The following KIFAP3 variants were observed in gnomAD, a reference collection of about 807,000 sequenced individuals.
KIFAP3 encodes kinesin associated protein 3.
Under a neutral mutation model 106.5 loss-of-function variants are expected in KIFAP3, and 68 were observed. The observed-to-expected ratio is 0.64, with a 90% confidence interval of 0.53 to 0.78. The LOEUF (loss-of-function observed/expected upper bound fraction) is 0.78, where lower values mean the gene tolerates loss of function less well. Ranked by LOEUF, KIFAP3 falls within the 30% of genes least tolerant of loss-of-function variation. The pLI, the probability that KIFAP3 is intolerant of heterozygous loss-of-function variation, is 0.00. For synonymous variants in KIFAP3, 320 were observed against 311.5 expected (o/e 1.03, Z -0.29); for missense variants, 780 against 941.8 (o/e 0.83, Z 2.25).
At chr1:170,048,242 T>C (rs1172198691) in intron 2 of KIFAP3, among the ~76,000 whole-genome samples, 1 of 152,056 alleles carries the variant, frequency 6.6e-6, no homozygotes, top group Non-Finnish European at 1.5e-5. Flanking sequence ...GAGTGCCTTC[T>C]AATGTTTACA....
chr1:170,037,568 A>G (rs949325523), intron 5 of KIFAP3, among the ~76,000 whole-genome samples: 3 of 139,738 alleles, frequency 2.1e-5, no homozygotes, highest in Non-Finnish European at 3.1e-5. Context: ...TGTCTCTACT[A>G]AAAAAAAAAA....
chr1:170,039,510 C>T (rs2102064873), intron 3 of KIFAP3, among the ~76,000 whole-genome samples: 1 of 152,156 alleles, frequency 6.6e-6, no homozygotes, highest in East Asian at 1.9e-4. Flanking sequence ...TATAACTAAT[C>T]ACCAACTTCC....
At chr1:170,076,521 A>G (rs1671917629), upstream of KIFAP3, among the ~76,000 whole-genome samples, 1 of 152,214 alleles carries the variant, frequency 6.6e-6, no homozygotes, top group South Asian at 2.1e-4. Context: ...GAAATCCATA[A>G]TGATACTCAA....
At chr1:169,982,666 T>C (rs1213013523) in intron 14 of KIFAP3, 36 bp downstream of exon 14, 2 of 1,394,186 alleles carry the variant, frequency 1.4e-6, no homozygotes, top group Non-Finnish European at 9.8e-7. Flanking sequence ...AGAAATAACT[T>C]AGTGATTATA....
At chr1:169,958,357 G>C (rs913491380) in intron 18 of KIFAP3, 1 of 152,152 alleles carries the variant, frequency 6.6e-6, no homozygotes, top group Non-Finnish European at 1.5e-5. Flanking sequence ...CTCTCAAAGT[G>C]CTGGCATTAG....
chr1:170,019,762 T>A (rs762134999), intron 9 of KIFAP3, among the ~76,000 whole-genome samples: 2 of 152,170 alleles, frequency 1.3e-5, no homozygotes, highest in African/African-American at 4.8e-5. Context: ...GTTTTCCTCA[T>A]AAGATCAGTA....
At chr1:170,036,732 T>C (rs1253231812) in intron 5 of KIFAP3, among the ~76,000 whole-genome samples, 2 of 152,160 alleles carry the variant, frequency 1.3e-5, no homozygotes, top group African/African-American at 2.4e-5. Context: ...ATGTCATAAA[T>C]TTAGGCATAG....
chr1:170,058,000 C>A (rs12140315), intron 1 of KIFAP3, among the ~76,000 whole-genome samples: 1 of 152,076 alleles, frequency 6.6e-6, no homozygotes, highest in African/African-American at 2.4e-5. Context: ...AGAAGTTATG[C>A]TTCACAGAGT....
intron 10 of KIFAP3, among the ~76,000 whole-genome samples, chr1:170,010,199 G>C (rs1008439763): frequency 6.6e-6 from 1 of 151,918 alleles, no homozygotes; most frequent in South Asian, 2.1e-4. Context: ...ATATTTAAGA[G>C]AAGGAAAACA....
intron 10 of KIFAP3, among the ~76,000 whole-genome samples, chr1:170,007,745 T>C (rs979774849): frequency 3.9e-5 from 6 of 152,160 alleles, no homozygotes; most frequent in African/African-American, 9.7e-5. Flanking sequence ...AATGAGTTTC[T>C]TCACAGAATT....
intron 1 of KIFAP3, among the ~76,000 whole-genome samples, chr1:170,073,798 A>G (rs1309999578): frequency 1.3e-5 from 2 of 152,106 alleles, no homozygotes; most frequent in Non-Finnish European, 2.9e-5. Context: ...AACTGATACT[A>G]TATTTAAAAG....
At chr1:169,974,451 T>TGG (rs939040565) in intron 16 of KIFAP3, among the ~76,000 whole-genome samples, 1 of 151,942 alleles carries the variant, frequency 6.6e-6, no homozygotes, top group Non-Finnish European at 1.5e-5. Flanking sequence ...CTATTTAAAC[T>TGG]GTTGTTTTTT....
Position 170,074,604 on chromosome 1 carries a change from G to C in KIFAP3, c.-137C>G. 1 of 1,528,716 alleles carries C rather than the reference G, an allele frequency of 6.5e-7. No individual in the cohort carries two copies. The highest frequency in any genetic ancestry group is 8.8e-7 in the Non-Finnish European group (1 of 1,135,444). 94.7% of individuals were successfully genotyped at this position (1,528,716 alleles called of 1,614,324 possible). A position where few individuals can be genotyped will look rare whatever the true frequency, so the allele number is the denominator to read the frequency against. ...AGGCCTGCAAGGCGGGGCAGCAGCG[G>C]CGCTGTGGTTACCACGGTGAAGCCT... is the stretch of plus-strand genomic sequence containing the variant. On this transcript the variant is annotated 5_prime_UTR_variant, in exon 1 of 20. Transcript: ENST00000361580.
chr1:170,033,321 T>G (rs1269294340), intron 7 of KIFAP3, among the ~76,000 whole-genome samples: 1 of 151,810 alleles, frequency 6.6e-6, no homozygotes, highest in Admixed American at 6.6e-5. Flanking sequence ...CAACATAGAT[T>G]AAATTGAAGC....
rs1662818981 is a variant in KIFAP3, at chr1:169,921,475, T to C, written c.*201A>G. On this transcript the variant is annotated 3_prime_UTR_variant, in exon 20 of 20. Transcript: ENST00000361580. ...TACTTAGCATCAAGATGTGGTTTGA[T>C]GAGTGAACAATGTCAGTATCAACTG... 9.0e-6 allele frequency: 4 copies of C among 442,844 alleles called. No homozygotes were observed. The East Asian group carries it at 1.1e-4, about 12-fold the overall frequency. 27.4% of individuals were successfully genotyped at this position (442,844 alleles called of 1,614,324 possible). A position where few individuals can be genotyped will look rare whatever the true frequency, so the allele number is the denominator to read the frequency against.
intron 1 of KIFAP3, among the ~76,000 whole-genome samples, chr1:170,070,839 G>A (rs1671674585): frequency 6.6e-6 from 1 of 152,170 alleles, no homozygotes; most frequent in African/African-American, 2.4e-5. Flanking sequence ...AAAAATGTTT[G>A]CATATGAAAG....
intron 11 of KIFAP3, chr1:169,990,200 T>A (rs1571616251): frequency 4.6e-6 from 6 of 1,310,020 alleles, no homozygotes; most frequent in Non-Finnish European, 5.1e-6. Flanking sequence ...GAGGTGAGTG[T>A]ATTTGAGAAA....
intron 16 of KIFAP3, among the ~76,000 whole-genome samples, chr1:169,974,063 A>G (rs1210241019): frequency 6.6e-6 from 1 of 151,888 alleles, no homozygotes; most frequent in Non-Finnish European, 1.5e-5. Context: ...AGACTGTCAA[A>G]TAGAAACATA....
intron 12 of KIFAP3, among the ~76,000 whole-genome samples, chr1:169,984,178 T>A (rs1571606354): frequency 6.6e-6 from 1 of 151,752 alleles, no homozygotes; most frequent in East Asian, 1.9e-4. Flanking sequence ...ACTTTTCAAA[T>A]AAGGCAAAAA....
Sources: gnomAD v4.1 joint callset for allele counts (sites outside exome capture counted in the v4.1 genomes callset) on GRCh38, gnomAD v4.1.1 for gene constraint, MANE v1.5 for transcripts, NCBI Gene and HGNC (gene_info 2026-07-23, HGNC 2026-07-21) for gene names.